The following AMPH variants were observed in gnomAD, a reference collection of about 807,000 sequenced individuals.
AMPH encodes the protein amphiphysin.
Under a neutral mutation model 99.1 loss-of-function variants are expected in AMPH, and 49 were observed. That is an observed-to-expected ratio of 0.49 (90% CI 0.39 to 0.63). The LOEUF is 0.63. Ranked by LOEUF, AMPH falls within the 20% of genes least tolerant of loss-of-function variation. The pLI, the probability that AMPH is intolerant of heterozygous loss-of-function variation, is 0.00. For missense variants in AMPH, 759 were observed against 863.4 expected (o/e 0.88, Z 1.52); for synonymous variants, 314 against 317.3 (o/e 0.99, Z 0.11).
At chr7:38,588,047 G>A (rs1024589152) in intron 1 of AMPH, among the ~76,000 whole-genome samples, 1 of 151,786 alleles carries the variant, frequency 6.6e-6, no homozygotes, top group Non-Finnish European at 1.5e-5. Flanking sequence ...GACCTCCTGG[G>A]CTCAAGCGAT....
intron 5 of AMPH, among the ~76,000 whole-genome samples, chr7:38,487,404 C>T (rs1215300751): frequency 6.6e-6 from 1 of 152,002 alleles, no homozygotes; most frequent in Non-Finnish European, 1.5e-5. Flanking sequence ...ACAAATCTGA[C>T]AAAAACAAGC....
chr7:38,407,374 C>T (rs973130779), intron 17 of AMPH, among the ~76,000 whole-genome samples: 3 of 147,508 alleles, frequency 2.0e-5, no homozygotes, highest in Non-Finnish European at 4.5e-5. Flanking sequence ...AAAGTGAGAA[C>T]ACCACATGTT....
intron 2 of AMPH, among the ~76,000 whole-genome samples, chr7:38,512,087 C>T (rs545517361): frequency 2.0e-5 from 3 of 152,302 alleles, no homozygotes; most frequent in Admixed American, 6.5e-5. Flanking sequence ...ACTTAATGGA[C>T]ACTTAAGTGT....
In AMPH at chr7:38,394,135, T is replaced by C. The variant is rs754303145; in HGVS notation, c.1478A>G (p.Glu493Gly). 2 of 1,614,174 alleles carry C rather than the reference T, an allele frequency of 1.2e-6. No homozygotes were observed. Among genetic ancestry groups the C allele is most frequent in the Non-Finnish European group, 8.5e-7 (1 of 1,180,022 alleles). ...AAEGAPGEEA[E>G]AEKATVPAGE... is the part of the protein sequence containing the mutation. ...GGCAGGGACAGTGGCCTTCTCCGCC[T>C]CTGCTTCCTCTCCTGGGGCCCCCTC... Residue 493 changes from glutamate (E) to glycine (G), a missense_variant, in exon 18 of 21, where the codon GAG becomes GGG. Around this residue, in one of 2 missense-constraint regions of AMPH, gnomAD observed 554 missense variants for 575.6 expected, o/e 0.96. Transcript: ENST00000356264.
intron 1 of AMPH, among the ~76,000 whole-genome samples, chr7:38,570,288 G>A (rs954192750): frequency 2.6e-5 from 4 of 152,174 alleles, no homozygotes; most frequent in Non-Finnish European, 5.9e-5. Flanking sequence ...TTATTTTGCA[G>A]ATTAGTGAGA....
chr7:38,536,186 A>G (rs1461977024), intron 1 of AMPH, among the ~76,000 whole-genome samples: 1 of 152,228 alleles, frequency 6.6e-6, no homozygotes, highest in African/African-American at 2.4e-5. Context: ...GACACAGCAT[A>G]GAGTCTCTTT....
chr7:38,548,308 C>T lies in AMPH; in HGVS notation c.70-13297G>A, dbSNP rs917494753. 3.3e-5 allele frequency among the ~76,000 whole-genome samples: 5 copies of T among 152,046 alleles called. No homozygotes were observed. The East Asian group carries it at 9.7e-4, about 30-fold the overall frequency. ...CCTCCCAAAGTGCTGGGATTACAGG[C>T]TTGAGCCACTGCACCCGGCCCCTTG... On this transcript the variant is annotated intron_variant, in intron 1 of 20. Coordinates refer to ENST00000356264, the MANE Select transcript of AMPH (RefSeq NM_001635.4).
chr7:38,439,529 A>G (rs747422264), intron 11 of AMPH, among the ~76,000 whole-genome samples: 5 of 152,226 alleles, frequency 3.3e-5, no homozygotes, highest in African/African-American at 1.2e-4. Flanking sequence ...CAACTCTGTC[A>G]CCACATGTTG....
intron 1 of AMPH, among the ~76,000 whole-genome samples, chr7:38,558,070 A>C (rs1409797666): frequency 6.6e-6 from 1 of 152,196 alleles, no homozygotes; most frequent in Non-Finnish European, 1.5e-5. Context: ...AGAAAGATCC[A>C]TGAAACATTT....
rs70977406 is a variant in AMPH, at chr7:38,441,819, C to CATATATCATATATATCAT, written c.1018-5449_1018-5432dup. 9.7e-3 allele frequency among the ~76,000 whole-genome samples: 683 copies of CATATATCATATATATCAT among 70,600 alleles called. 5 individuals carry two copies. Among genetic ancestry groups the CATATATCATATATATCAT allele is most frequent in the Middle Eastern group, 0.012 (2 of 168 alleles). 46.3% of individuals were successfully genotyped at this position (70,600 alleles called of 152,430 possible). ...TATATCATATATATATCATATATAT[C>CATATATCATATATATCAT]ATATATCATATATATCATATATCAT... is the stretch of plus-strand genomic sequence containing the variant. On this transcript the variant is annotated intron_variant, in intron 11 of 20. Transcript: ENST00000356264.
At chr7:38,556,520 G>A (rs1233473130) in intron 1 of AMPH, among the ~76,000 whole-genome samples, 1 of 152,142 alleles carries the variant, frequency 6.6e-6, no homozygotes, top group African/African-American at 2.4e-5. Context: ...CTGTAGTCCC[G>A]CAGTCAAGGA....
rs556910861 is a variant in AMPH, at chr7:38,398,178, T to C, written c.1399-3964A>G. ...TCCAGCAATCCCACTGCTAGGTATATACTCAAAAAAAAAAAAACAAAAAAA... is the reference window on the plus strand; with the variant it reads ...TCCAGCAATCCCACTGCTAGGTATACACTCAAAAAAAAAAAAACAAAAAAA... On this transcript the variant is annotated intron_variant, in intron 17 of 20. Transcript: ENST00000356264. Among the ~76,000 whole-genome samples the C allele has an allele frequency of 2.0e-3, 191 of 97,406 alleles. 1 individual carries two copies. Among genetic ancestry groups the C allele is most frequent in the African/African-American group, 8.7e-3 (185 of 21,274 alleles). 63.9% of individuals were successfully genotyped at this position (97,406 alleles called of 152,430 possible).
intron 17 of AMPH, among the ~76,000 whole-genome samples, chr7:38,410,692 G>T (rs1284641428): frequency 6.6e-6 from 1 of 152,146 alleles, no homozygotes; most frequent in Admixed American, 6.5e-5. Context: ...TGGCACAGAG[G>T]GTAAAATGAT....
intron 11 of AMPH, among the ~76,000 whole-genome samples, chr7:38,448,081 T>C (rs1207522081): frequency 6.6e-6 from 1 of 152,216 alleles, no homozygotes; most frequent in Non-Finnish European, 1.5e-5. Context: ...AAAGTCACAA[T>C]TTACAATTTC....
chr7:38,577,528 G>A (rs1185127199), intron 1 of AMPH, among the ~76,000 whole-genome samples: 2 of 152,166 alleles, frequency 1.3e-5, no homozygotes, highest in Non-Finnish European at 2.9e-5. Flanking sequence ...GTTTCCTGAA[G>A]GCAAGAATAT....
intron 1 of AMPH, among the ~76,000 whole-genome samples, chr7:38,592,370 C>A (rs562006312): frequency 2.6e-5 from 4 of 152,288 alleles, no homozygotes; most frequent in Non-Finnish European, 5.9e-5. Context: ...TCACAGCTAC[C>A]ATGGCCCCTT....
chr7:38,439,793 T>C (rs1786430888), intron 11 of AMPH, among the ~76,000 whole-genome samples: 2 of 152,174 alleles, frequency 1.3e-5, no homozygotes, highest in African/African-American at 4.8e-5. Flanking sequence ...ATCTGTACTA[T>C]GTTTCATGAG....
intron 1 of AMPH, among the ~76,000 whole-genome samples, chr7:38,568,383 T>A (rs1195932323): frequency 6.6e-6 from 1 of 152,142 alleles, no homozygotes; most frequent in Non-Finnish European, 1.5e-5. Flanking sequence ...GAGGATGGCA[T>A]GAACCTGGGA....
chr7:38,517,418 T>C (rs965913366), intron 2 of AMPH, among the ~76,000 whole-genome samples: 2 of 152,242 alleles, frequency 1.3e-5, no homozygotes, highest in Non-Finnish European at 2.9e-5. Context: ...TTCCTCCTGC[T>C]TCAGCCATGT....
Sources: allele counts gnomAD v4.1 joint callset (sites outside exome capture counted in the v4.1 genomes callset), GRCh38; gene constraint gnomAD v4.1.1; regional missense constraint gnomAD v4.1.1; transcripts MANE v1.5; gene names NCBI Gene and HGNC (gene_info 2026-07-23, HGNC 2026-07-21).